The following LMO7 variants were observed in gnomAD, a reference collection of about 807,000 sequenced individuals.
LMO7 encodes LIM domain only protein 7.
A neutral mutation model predicts 206.5 loss-of-function variants in LMO7; 120 were observed. That is an observed-to-expected ratio of 0.58 (90% CI 0.50 to 0.68). The LOEUF is 0.68. Among genes scored for constraint, LMO7 ranks in the 30% least tolerant of loss-of-function variants. The pLI is 0.00. For synonymous variants in LMO7, 706 were observed against 681.5 expected, an observed-to-expected ratio of 1.04 and a Z score of -0.56; for missense variants, 1,959 against 1,957.9, an observed-to-expected ratio of 1.00 and a Z score of -0.01.
chr13:75,693,143 T>C (rs1485518066), intron 1 of LMO7, among the ~76,000 whole-genome samples: 2 of 152,226 alleles, frequency 1.3e-5, no homozygotes, highest in African/African-American at 4.8e-5. Context: ...TGGCCTTTTT[T>C]TGGTAATACA....
At chr13:75,752,537 G>A (rs1370596052) in intron 3 of LMO7, among the ~76,000 whole-genome samples, 1 of 152,080 alleles carries the variant, frequency 6.6e-6, no homozygotes, top group East Asian at 1.9e-4. Flanking sequence ...ATTCATCACT[G>A]GAACATTGCA....
At position 75,809,201 on chromosome 13, in the gene LMO7, C is replaced by G. The variant is rs1237556067; in HGVS notation, c.1946+18C>G. On this transcript the variant is annotated intron_variant, in intron 11 of 30. Coordinates refer to ENST00000377534, the MANE Select transcript of LMO7 (RefSeq NM_001306080.2). Reference sequence around the variant, plus strand: ...GAGAATGGGTAAGTTGTGTGGTTCACAGTAAAAAATCTGTGCGTGTTGTTT... The same window carrying G: ...GAGAATGGGTAAGTTGTGTGGTTCAGAGTAAAAAATCTGTGCGTGTTGTTT... The G allele has an allele frequency of 6.2e-7, 1 of 1,607,642 alleles. No individual in the cohort carries two copies. Among genetic ancestry groups the G allele is most frequent in the Non-Finnish European group, 8.5e-7 (1 of 1,174,880 alleles).
intron 1 of LMO7, among the ~76,000 whole-genome samples, chr13:75,642,766 C>T (rs1205602546): frequency 1.3e-5 from 2 of 152,158 alleles, no homozygotes; most frequent in African/African-American, 4.8e-5. Context: ...ACCATTTTCT[C>T]CACATTCTGG....
chr13:75,774,517 A>T (rs1476522964), intron 4 of LMO7, among the ~76,000 whole-genome samples: 1 of 152,118 alleles, frequency 6.6e-6, no homozygotes, highest in African/African-American at 2.4e-5. Context: ...ATTCTCCTCG[A>T]CATTTAATAT....
chr13:75,749,241 A>G (rs1198073708), intron 3 of LMO7, among the ~76,000 whole-genome samples: 2 of 152,196 alleles, frequency 1.3e-5, no homozygotes, highest in African/African-American at 4.8e-5. Flanking sequence ...AAGTTTTACC[A>G]CATAGTGTTC....
chr13:75,750,373 G>A lies in LMO7; in HGVS notation c.211-10559G>A, dbSNP rs374277411. Among the ~76,000 whole-genome samples the A allele has an allele frequency of 7.1e-3, 976 of 137,020 alleles. 9 individuals are homozygous for A. Among genetic ancestry groups the A allele is most frequent in the African/African-American group, 0.025 (929 of 37,856 alleles). 89.9% of individuals were successfully genotyped at this position (137,020 alleles called of 152,430 possible). ...CCACAAAAATTCAGTTCACCTGGGG[G>A]ATCCTTTTTTTTTTTTTTTTTTTTT... On this transcript the variant is annotated intron_variant, in intron 3 of 30. Coordinates refer to ENST00000377534, the MANE Select transcript of LMO7 (RefSeq NM_001306080.2).
chr13:75,725,531 T>G (rs578256755), intron 2 of LMO7, among the ~76,000 whole-genome samples: 18 of 152,256 alleles, frequency 1.2e-4, no homozygotes, highest in African/African-American at 4.3e-4. Flanking sequence ...TAGAAATACC[T>G]TGTTAATAGG....
At chr13:75,780,213 C>G (rs1199123618) in intron 4 of LMO7, among the ~76,000 whole-genome samples, 1 of 152,164 alleles carries the variant, frequency 6.6e-6, no homozygotes, top group Non-Finnish European at 1.5e-5. Context: ...GAGCAGAGAA[C>G]TGGTCTGACT....
At chr13:75,760,544 T>C (rs2048076645) in intron 3 of LMO7, 2 of 1,292,976 alleles carry the variant, frequency 1.5e-6, no homozygotes, top group Non-Finnish European at 2.0e-6. Context: ...GCTGGAGTTA[T>C]TTTTAAAGAG....
upstream of LMO7, among the ~76,000 whole-genome samples, chr13:75,635,179 C>T (rs2035622593): frequency 6.6e-6 from 1 of 152,184 alleles, no homozygotes; most frequent in Admixed American, 6.5e-5. Flanking sequence ...AGTCTCTGCT[C>T]TGTATCTGAC....
intron 3 of LMO7, among the ~76,000 whole-genome samples, chr13:75,737,626 G>A (rs1318160863): frequency 1.0e-4 from 15 of 145,170 alleles, no homozygotes; most frequent in Middle Eastern, 3.2e-3. Context: ...GGTAGCGGGC[G>A]CCTGTAGTCC....
Position 75,795,441 on chromosome 13 carries a change from A to C in LMO7, c.348+10A>C, listed in dbSNP as rs755046248. 6.3e-7 allele frequency: 1 copy of C among 1,577,164 alleles called. No homozygotes were observed. The highest frequency in any genetic ancestry group is 1.4e-5 in the African/African-American group (1 of 73,824). ...CAGGAGAGTGAAAAATGTAAGATAC[A>C]TTTACCTTAATGGAGCATTATAAGT... On this transcript the variant is annotated intron_variant, in intron 5 of 30. Coordinates refer to ENST00000377534, the MANE Select transcript of LMO7 (RefSeq NM_001306080.2).
At position 75,823,659 on chromosome 13, in the gene LMO7, G is replaced by A. The variant is rs767176212; in HGVS notation, c.2735G>A (p.Ser912Asn). The A allele has an allele frequency of 3.1e-6, 5 of 1,614,192 alleles. No homozygotes were observed. In the Admixed American group the frequency reaches 8.3e-5, roughly 27 times the overall value. ...ACCCCTGCACCAAGCCCGGACGCAA[G>A]CCAACTGGCTTCAAGCTTATCTAGC... ...VSTPAPSPDASQLASSLSSQK... is the reference protein window; with the variant it reads ...VSTPAPSPDANQLASSLSSQK... The change falls in exon 15 of 31, where the codon AGC becomes AAC. Residue 912 changes from serine (S) to asparagine (N), a missense_variant. Transcript: ENST00000377534.
At chr13:75,773,626 G>A (rs78613478) in intron 4 of LMO7, among the ~76,000 whole-genome samples, 9 of 152,162 alleles carry the variant, frequency 5.9e-5, no homozygotes, top group Non-Finnish European at 1.3e-4. Context: ...AGAAAGAAGA[G>A]TTAGCGTTTG....
At chr13:75,715,659 C>T (rs9565190) in intron 2 of LMO7, among the ~76,000 whole-genome samples, 11,678 of 152,208 alleles carry the variant, frequency 0.077, 983 homozygotes, top group African/African-American at 0.2. Flanking sequence ...TCACGTTGTT[C>T]ATAGTCACTG....
intron 1 of LMO7, among the ~76,000 whole-genome samples, chr13:75,698,107 C>A (rs2042025137): frequency 6.6e-6 from 1 of 151,968 alleles, no homozygotes; most frequent in Admixed American, 6.6e-5. Flanking sequence ...CCTGAGAAAA[C>A]CTTGTCCTGT....
At chr13:75,743,677 A>G (rs1307923119) in intron 3 of LMO7, among the ~76,000 whole-genome samples, 1 of 152,076 alleles carries the variant, frequency 6.6e-6, no homozygotes, top group Non-Finnish European at 1.5e-5. Flanking sequence ...GAGGAGAACA[A>G]CAGGCACTGA....
chr13:75,756,905 G>T (rs917602122), intron 3 of LMO7, among the ~76,000 whole-genome samples: 6 of 152,260 alleles, frequency 3.9e-5, no homozygotes, highest in Middle Eastern at 3.4e-3. Flanking sequence ...GCACATGGTT[G>T]GGACATGAAT....
At chr13:75,748,841 G>T (rs689418) in intron 3 of LMO7, among the ~76,000 whole-genome samples, 1 of 148,276 alleles carries the variant, frequency 6.7e-6, no homozygotes, top group Non-Finnish European at 1.5e-5. Flanking sequence ...GACAGGGTCT[G>T]GTTCTTTCAC....
Sources: allele counts gnomAD v4.1 joint callset (sites outside exome capture counted in the v4.1 genomes callset), GRCh38; gene constraint gnomAD v4.1.1; transcripts MANE v1.5; gene names NCBI Gene and HGNC (gene_info 2026-07-23, HGNC 2026-07-21).